ABCC8: variants seen among roughly 807,000 people sequenced by gnomAD.
The protein encoded by ABCC8 is ATP-binding cassette sub-family C member 8.
Under a neutral mutation model 188.0 loss-of-function variants are expected in ABCC8, and 137 were observed. That is an observed-to-expected ratio of 0.73 (90% CI 0.63 to 0.84). The LOEUF (loss-of-function observed/expected upper bound fraction) is 0.84. ABCC8 is among the 40% of genes least tolerant of loss of function. The pLI, the probability that ABCC8 is intolerant of heterozygous loss-of-function variation, is 0.00. For synonymous variants in ABCC8, 797 were observed against 846.5 expected, an observed-to-expected ratio of 0.94 and a Z score of 1.01; for missense variants, 1,750 against 2,072.7, an observed-to-expected ratio of 0.84 and a Z score of 3.02.
chr11:17,440,605 T>C (rs140154201), intron 10 of ABCC8, among the ~76,000 whole-genome samples: 1 of 152,378 alleles, frequency 6.6e-6, no homozygotes, highest in Non-Finnish European at 1.5e-5. Context: ...TTGCCTGCCA[T>C]GCTCACAGCT....
rs561593131 is a variant in ABCC8, at chr11:17,412,683, C to A, written c.2539G>T (p.Ala847Ser). Reference sequence around the variant, plus strand: ...GCACTCACCAAGAAGACAACGTTGGCGTGCTGGTAGAGGGCTCGGGCCACA... The same window carrying A: ...GCACTCACCAAGAAGACAACGTTGGAGTGCTGGTAGAGGGCTCGGGCCACA... ...ISVARALYQH[A>S]NVVFLDDPFS... The change falls in exon 21 of 39, where the codon GCC (alanine) becomes TCC (serine). Residue 847 changes from alanine to serine, a missense_variant. By Grantham distance (99) the Ala-to-Ser change is moderately conservative. Coordinates refer to ENST00000389817, the MANE Select transcript of ABCC8 (RefSeq NM_000352.6). 3 of 1,611,708 alleles carry A rather than the reference C, an allele frequency of 1.9e-6. No individual in the cohort carries two copies. The highest frequency in any genetic ancestry group is 2.5e-6 in the Non-Finnish European group (3 of 1,178,926).
chr11:17,451,534 C>A (rs76680078), intron 7 of ABCC8, among the ~76,000 whole-genome samples: 141 of 152,372 alleles, frequency 9.3e-4, no homozygotes, highest in Middle Eastern at 3.4e-3. Context: ...TGGACTCTGA[C>A]ATTGTCCCCA....
At chr11:17,400,439 C>A (rs1954178989) in intron 29 of ABCC8, among the ~76,000 whole-genome samples, 1 of 152,146 alleles carries the variant, frequency 6.6e-6, no homozygotes. Context: ...AGGCGTGCGA[C>A]AGTGTGTCTG....
chr11:17,474,516 C>T (rs1034928771), intron 2 of ABCC8, among the ~76,000 whole-genome samples: 3 of 149,256 alleles, frequency 2.0e-5, no homozygotes, highest in Non-Finnish European at 3.0e-5. Context: ...AAGGAAAGGT[C>T]TTATGCAAGA....
At position 17,470,222 on chromosome 11, in the gene ABCC8, C is replaced by G. The variant is rs1204085613; in HGVS notation, c.291G>C (p.Gly97=). 1 of 1,614,052 alleles carries G rather than the reference C, an allele frequency of 6.2e-7. No individual in the cohort carries two copies. The highest frequency in any genetic ancestry group is 1.1e-5 in the South Asian group (1 of 91,070). The change falls in exon 3 of 39, where the codon GGG becomes GGC. Residue 97 remains glycine (G), a splice_region_variant and synonymous_variant. Transcript: ENST00000389817. The part of the protein sequence containing the change: ...CEIAEGILSD[G]VTESHHLHLY... Reference sequence around the variant, plus strand: ...GGTGCAGATGGTGGGATTCGGTCACCCTGAGATGGGAGAGAGAAACAGACA... The same window carrying G: ...GGTGCAGATGGTGGGATTCGGTCACGCTGAGATGGGAGAGAGAAACAGACA...
intron 8 of ABCC8, among the ~76,000 whole-genome samples, chr11:17,445,854 G>T (rs1956504513): frequency 6.6e-6 from 1 of 152,180 alleles, no homozygotes; most frequent in Admixed American, 6.5e-5. Flanking sequence ...CAGGCATAGG[G>T]CAAGGGCTGT....
rs761862121 is a variant in ABCC8, at chr11:17,410,544, T to G, written c.2666A>C (p.Lys889Thr). 26 of 1,614,018 alleles carry G rather than the reference T, an allele frequency of 1.6e-5. No individual in the cohort carries two copies. Among genetic ancestry groups the G allele is most frequent in the South Asian group, 6.6e-5 (6 of 91,086 alleles). The change falls in exon 22 of 39, where the codon AAG (lysine) becomes ACG (threonine). Residue 889 changes from lysine to threonine, a missense_variant. Coordinates refer to ENST00000389817, the MANE Select transcript of ABCC8 (RefSeq NM_000352.6). ...GTCTGCATGGGGCAGGTACTGTAGC[T>G]TGTGGGTCACTAAGACCACTGTCCT... The part of the protein sequence containing the change: ...DKRTVVLVTH[K>T]LQYLPHADWI...
At chr11:17,416,675 A>G (rs1955090932) in intron 17 of ABCC8, among the ~76,000 whole-genome samples, 1 of 152,170 alleles carries the variant, frequency 6.6e-6, no homozygotes, top group Non-Finnish European at 1.5e-5. Flanking sequence ...ATGAAATTTC[A>G]GCACCACAGA....
intron 10 of ABCC8, among the ~76,000 whole-genome samples, chr11:17,433,810 G>C (rs994746973): frequency 1.3e-5 from 2 of 152,190 alleles, no homozygotes; most frequent in South Asian, 4.1e-4. Flanking sequence ...GGCAGATGGC[G>C]AATTTCTCTG....
chr11:17,421,035 G>A (rs1240902770), intron 16 of ABCC8, among the ~76,000 whole-genome samples: 1 of 152,202 alleles, frequency 6.6e-6, no homozygotes, highest in Non-Finnish European at 1.5e-5. Context: ...GGACAAGCTC[G>A]GGGCTGCATC....
chr11:17,427,192 G>T lies in ABCC8; in HGVS notation c.2117-38C>A. The T allele has an allele frequency of 6.3e-7, 1 of 1,582,364 alleles. No individual in the cohort carries two copies. The highest frequency in any genetic ancestry group is 1.1e-5 in the South Asian group (1 of 87,688). Reference sequence around the variant, plus strand: ...AGGGTGGCAGATGTGAGTGGGGCCGGGGGAGTCTGAACAACCATTACCCAG... The same window carrying T: ...AGGGTGGCAGATGTGAGTGGGGCCGTGGGAGTCTGAACAACCATTACCCAG... On this transcript the variant is annotated intron_variant, in intron 15 of 38. Coordinates refer to ENST00000389817, the MANE Select transcript of ABCC8 (RefSeq NM_000352.6). This position sits in a 1 kb window ranked among gnomAD's most constrained non-coding sequence, Gnocchi z 5.0.
At chr11:17,453,885 T>C (rs75708320) in intron 6 of ABCC8, among the ~76,000 whole-genome samples, 1 of 152,152 alleles carries the variant, frequency 6.6e-6, no homozygotes, top group Non-Finnish European at 1.5e-5. Context: ...AAGGTTCTCT[T>C]GTGTACTTCC....
chr11:17,446,193 T>G (rs1386076090), intron 8 of ABCC8, among the ~76,000 whole-genome samples: 1 of 152,088 alleles, frequency 6.6e-6, no homozygotes, highest in Non-Finnish European at 1.5e-5. Flanking sequence ...CTCGAACTCC[T>G]GACCTCAGGT....
At chr11:17,392,671 C>T (rs975847529), downstream of ABCC8, 25 of 396,332 alleles carry the variant, frequency 6.3e-5, no homozygotes, top group South Asian at 5.1e-4. Context: ...TCCCAGACTT[C>T]AGCCTCCAGA....
intron 2 of ABCC8, among the ~76,000 whole-genome samples, chr11:17,471,297 G>T (rs1848465318): frequency 6.6e-6 from 1 of 152,204 alleles, no homozygotes; most frequent in Admixed American, 6.5e-5. Flanking sequence ...CAAAGGAGGG[G>T]GTGGGCAACC....
chr11:17,395,080 TG>T (rs1360849279), intron 36 of ABCC8, 91 bp downstream of exon 36: 1 of 1,505,648 alleles, frequency 6.6e-7, no homozygotes. Context: ...ACTCCAAACT[TG>T]GGGCAAACCT....
At chr11:17,443,140 G>A (rs1174412679) in intron 9 of ABCC8, 38 bp downstream of exon 9, 9 of 1,609,674 alleles carry the variant, frequency 5.6e-6, no homozygotes, top group East Asian at 4.5e-5. Flanking sequence ...GGGAAGGAGG[G>A]GAAGAGGGAC....
intron 17 of ABCC8, among the ~76,000 whole-genome samples, chr11:17,415,676 C>G (rs911558720): frequency 5.3e-5 from 8 of 152,240 alleles, no homozygotes; most frequent in Non-Finnish European, 1.0e-4. Context: ...GACCCAGCCT[C>G]TGCATTCAGG....
At chr11:17,394,452 G>A (rs1157358944) in intron 36 of ABCC8, 53 bp from the exon 37 acceptor site, 20 of 1,613,576 alleles carry the variant, frequency 1.2e-5, no homozygotes, top group Non-Finnish European at 1.6e-5. Context: ...TGTGCTGTGA[G>A]TGGAGCAGAT....
Sources: allele counts gnomAD v4.1 joint callset (sites outside exome capture counted in the v4.1 genomes callset), GRCh38; gene constraint gnomAD v4.1.1; non-coding constraint Gnocchi (gnomAD v3.1); transcripts MANE v1.5; gene names NCBI Gene and HGNC (gene_info 2026-07-23, HGNC 2026-07-21).